Variants in SPAG6 observed in about 807,000 individuals in gnomAD.
SPAG6 encodes the protein sperm associated antigen 6.
A neutral mutation model predicts 58.5 loss-of-function variants in SPAG6; 49 were observed. The ratio of observed to expected loss-of-function variants is 0.84; its 90% confidence interval spans 0.67 to 1.06. The LOEUF (loss-of-function observed/expected upper bound fraction) is 1.06, where lower values mean the gene tolerates loss of function less well. Ranked by LOEUF, SPAG6 falls within the 50% of genes least tolerant of loss-of-function variation. The pLI, the probability that SPAG6 is intolerant of heterozygous loss-of-function variation, is 0.00. For synonymous variants in SPAG6, 233 were observed against 225.6 expected, an observed-to-expected ratio of 1.03 and a Z score of -0.29; for missense variants, 560 against 611.3, an observed-to-expected ratio of 0.92 and a Z score of 0.89.
At chr10:22,407,507 G>A (rs1171684412) in intron 9 of SPAG6, among the ~76,000 whole-genome samples, 1 of 152,190 alleles carries the variant, frequency 6.6e-6, no homozygotes, top group African/African-American at 2.4e-5. Context: ...CGAGAGATCA[G>A]CTGTTAGTCT....
intron 9 of SPAG6, among the ~76,000 whole-genome samples, chr10:22,406,432 A>G (rs930686816): frequency 6.6e-6 from 1 of 152,088 alleles, no homozygotes; most frequent in South Asian, 2.1e-4. Context: ...TTCAGTTTCC[A>G]TGTAGTTGAG....
At chr10:22,389,746 C>T (rs1358090181) in intron 7 of SPAG6, among the ~76,000 whole-genome samples, 1 of 152,138 alleles carries the variant, frequency 6.6e-6, no homozygotes, top group Non-Finnish European at 1.5e-5. Context: ...CTAGGACATC[C>T]CTTTTTATCC....
At chr10:22,413,693 A>G (rs1834800441) in intron 10 of SPAG6, among the ~76,000 whole-genome samples, 1 of 149,690 alleles carries the variant, frequency 6.7e-6, no homozygotes, top group South Asian at 2.1e-4. Context: ...TTTCTGATAT[A>G]TATATATATA....
chr10:22,352,209 ATG>A (rs370765050), intron 2 of SPAG6, among the ~76,000 whole-genome samples: 12 of 149,716 alleles, frequency 8.0e-5, no homozygotes, highest in Middle Eastern at 3.5e-3. Flanking sequence ...GTGTGCGTGT[ATG>A]TGTGTGTGTG....
At chr10:22,413,339 C>G (rs906532289) in intron 10 of SPAG6, among the ~76,000 whole-genome samples, 1 of 151,948 alleles carries the variant, frequency 6.6e-6, no homozygotes, top group Admixed American at 6.6e-5. Flanking sequence ...CGAGACCGTC[C>G]TGGCTAACAC....
At position 22,359,577 on chromosome 10, in the gene SPAG6, A is replaced by G. The variant is rs184837815; in HGVS notation, c.122-5276A>G. Among the ~76,000 whole-genome samples the G allele has an allele frequency of 2.0e-4, 30 of 152,226 alleles. No homozygotes were observed. In the East Asian group the frequency reaches 5.8e-3, roughly 29 times the overall value. On this transcript the variant is annotated intron_variant, in intron 2 of 10. Coordinates refer to ENST00000376624, the MANE Select transcript of SPAG6 (RefSeq NM_012443.4). The stretch of plus-strand genomic sequence containing the variant: ...CCCAGCTGGGTATGGAGTTTTTGTT[A>G]GGGATAATGAAAAAGTTCTGGACAT...
chr10:22,363,007 G>A (rs1173988878), intron 2 of SPAG6, among the ~76,000 whole-genome samples: 1 of 152,104 alleles, frequency 6.6e-6, no homozygotes, highest in Non-Finnish European at 1.5e-5. Flanking sequence ...GTTAGGATGT[G>A]GAAAAATTGG....
Position 22,353,479 on chromosome 10 carries a change from T to C in SPAG6, c.121+7661T>C, listed in dbSNP as rs1011807550. Among the ~76,000 whole-genome samples, 6 of 152,262 alleles carry C rather than the reference T, an allele frequency of 3.9e-5. No individual in the cohort carries two copies. The South Asian group carries it at 6.2e-4, about 16-fold the overall frequency. On this transcript the variant is annotated intron_variant, in intron 2 of 10. Coordinates refer to ENST00000376624, the MANE Select transcript of SPAG6 (RefSeq NM_012443.4). ...AGTTCCTTAAAACTTTATGAATTTA[T>C]GTTAAAGTGCTACGCACGTACCTGA... is the stretch of plus-strand genomic sequence containing the variant.
At chr10:22,367,156 TA>T (rs1837223581) in intron 3 of SPAG6, among the ~76,000 whole-genome samples, 1 of 152,096 alleles carries the variant, frequency 6.6e-6, no homozygotes, top group South Asian at 2.1e-4. Context: ...TTGATACCCA[TA>T]AATGTTCTGT....
chr10:22,362,178 ATATATT>A (rs1461454843), intron 2 of SPAG6, among the ~76,000 whole-genome samples: 3 of 146,178 alleles, frequency 2.1e-5, no homozygotes, highest in Admixed American at 6.9e-5. Context: ...ATATATAAAA[ATATATT>A]TATATTTATG....
chr10:22,383,462 A>G lies in SPAG6; in HGVS notation c.473-3292A>G, dbSNP rs550402917. Among the ~76,000 whole-genome samples the G allele has an allele frequency of 2.0e-5, 3 of 151,956 alleles. No individual in the cohort carries two copies. The South Asian group carries it at 6.3e-4, about 32-fold the overall frequency. On this transcript the variant is annotated intron_variant, in intron 4 of 10. Transcript: ENST00000376624. ...AGACCAGCCTGGCCAAGATGGTGAAACCCTGTCTCCACTAAAAATACAAAA... is the reference window on the plus strand; with the variant it reads ...AGACCAGCCTGGCCAAGATGGTGAAGCCCTGTCTCCACTAAAAATACAAAA...
intron 3 of SPAG6, among the ~76,000 whole-genome samples, chr10:22,365,339 T>C (rs533154247): frequency 5.9e-5 from 9 of 152,262 alleles, no homozygotes; most frequent in African/African-American, 2.2e-4. Context: ...CCTAGGCAAA[T>C]AGTTGATCTC....
chr10:22,365,929 G>C (rs1258184770), intron 3 of SPAG6, among the ~76,000 whole-genome samples: 2 of 152,120 alleles, frequency 1.3e-5, no homozygotes, highest in Non-Finnish European at 2.9e-5. Context: ...GTGTTGGTGA[G>C]GGCATGGAGA....
intron 2 of SPAG6, among the ~76,000 whole-genome samples, chr10:22,348,014 CAG>C (rs1307802214): frequency 2.3e-5 from 3 of 129,696 alleles, no homozygotes; most frequent in Non-Finnish European, 4.5e-5. Flanking sequence ...TTCTTTGAGA[CAG>C]AGTCTTGCTC....
At chr10:22,416,261 A>G (rs998358405) in intron 10 of SPAG6, among the ~76,000 whole-genome samples, 1 of 152,132 alleles carries the variant, frequency 6.6e-6, no homozygotes, top group Non-Finnish European at 1.5e-5. Flanking sequence ...ATGAAAAAAA[A>G]AATCTATTAG....
chr10:22,362,074 T>A (rs1369964099), intron 2 of SPAG6, among the ~76,000 whole-genome samples: 1 of 146,048 alleles, frequency 6.8e-6, no homozygotes, highest in Non-Finnish European at 1.5e-5. Context: ...TAAGTATATA[T>A]AAATATATAT....
chr10:22,411,295 T>C, intron 10 of SPAG6, 119 bp downstream of exon 10: 2 of 740,088 alleles, frequency 2.7e-6, no homozygotes, highest in Non-Finnish European at 4.3e-6. Context: ...GAGGCCAATA[T>C]GTACCTTTAT....
chr10:22,354,093 C>T (rs190161794), intron 2 of SPAG6, among the ~76,000 whole-genome samples: 2 of 152,198 alleles, frequency 1.3e-5, no homozygotes, highest in East Asian at 3.9e-4. Context: ...TGATGGAAAG[C>T]CATTGAAGTG....
At chr10:22,382,647 G>A (rs1833982340) in intron 4 of SPAG6, among the ~76,000 whole-genome samples, 1 of 152,128 alleles carries the variant, frequency 6.6e-6, no homozygotes, top group South Asian at 2.1e-4. Flanking sequence ...TGTGTAGTAT[G>A]TATGATGTGC....
Sources: gnomAD v4.1 joint callset for allele counts (sites outside exome capture counted in the v4.1 genomes callset) on GRCh38, gnomAD v4.1.1 for gene constraint, MANE v1.5 for transcripts, NCBI Gene and HGNC (gene_info 2026-07-23, HGNC 2026-07-21) for gene names.